Variants in PDE11A observed in about 807,000 individuals in gnomAD.
PDE11A encodes the protein dual 3',5'-cyclic-AMP and -GMP phosphodiesterase 11A.
A neutral mutation model predicts 100.5 loss-of-function variants in PDE11A; 100 were observed. That is an observed-to-expected ratio of 1.00 (90% CI 0.85 to 1.18). The LOEUF (loss-of-function observed/expected upper bound fraction) is 1.18, where lower values mean the gene tolerates loss of function less well. Among genes scored for constraint, PDE11A ranks in the 50% most tolerant of loss-of-function variants. The pLI, the probability that PDE11A is intolerant of heterozygous loss-of-function variation, is 0.00. For missense variants in PDE11A, 1,141 were observed against 1,152.6 expected, an observed-to-expected ratio of 0.99 and a Z score of 0.15; for synonymous variants, 381 against 420.8, an observed-to-expected ratio of 0.91 and a Z score of 1.16.
chr2:177,968,920 A>C (rs979740259), intron 2 of PDE11A, among the ~76,000 whole-genome samples: 15 of 152,242 alleles, frequency 9.9e-5, no homozygotes, highest in African/African-American at 3.4e-4. Flanking sequence ...ATTACTGGGT[A>C]TATGTCCAAA....
chr2:178,034,777 G>A (rs2086589771), intron 1 of PDE11A, among the ~76,000 whole-genome samples: 1 of 152,160 alleles, frequency 6.6e-6, no homozygotes, highest in Non-Finnish European at 1.5e-5. Flanking sequence ...AATGACTACT[G>A]GGAAAATAAT....
chr2:177,875,024 A>C lies in PDE11A; in HGVS notation c.1367+835T>G, dbSNP rs140098705. Among the ~76,000 whole-genome samples, 194 of 152,146 alleles carry C rather than the reference A, an allele frequency of 1.3e-3. 4 individuals carry two copies. The East Asian group carries it at 0.035, about 28-fold the overall frequency. ...AGATCACTTGAGGTCAGGAGTTCGA[A>C]ACCAGCCTGGCCAACATGGTGAAAC... On this transcript the variant is annotated intron_variant, in intron 5 of 19. Transcript: ENST00000286063.
intron 5 of PDE11A, among the ~76,000 whole-genome samples, chr2:177,856,433 A>C (rs1320229607): frequency 6.6e-6 from 1 of 152,080 alleles, no homozygotes; most frequent in Non-Finnish European, 1.5e-5. Flanking sequence ...AAAAACAGTC[A>C]ATTGAAACTG....
chr2:177,816,441 T>C (rs1558952500), intron 9 of PDE11A, among the ~76,000 whole-genome samples: 3 of 138,178 alleles, frequency 2.2e-5, no homozygotes, highest in Admixed American at 2.1e-4. Flanking sequence ...ATCTAGGTCA[T>C]ATATCCTTGT....
upstream of PDE11A, among the ~76,000 whole-genome samples, chr2:178,076,393 T>C (rs1011025750): frequency 6.6e-6 from 1 of 152,230 alleles, no homozygotes; most frequent in Admixed American, 6.5e-5. Flanking sequence ...AAGATAACTT[T>C]TGTTATCCCA....
chr2:177,925,428 G>A (rs373238597), intron 2 of PDE11A, among the ~76,000 whole-genome samples: 88 of 151,946 alleles, frequency 5.8e-4, no homozygotes, highest in African/African-American at 2.1e-3. Flanking sequence ...CATTCTAACT[G>A]GTGTGAGATG....
intron 4 of PDE11A, among the ~76,000 whole-genome samples, chr2:177,890,519 T>C (rs145518646): frequency 9.8e-5 from 15 of 152,344 alleles, no homozygotes; most frequent in African/African-American, 3.6e-4. Flanking sequence ...CTGAATTAAG[T>C]AGCCCTCCCA....
intron 15 of PDE11A, among the ~76,000 whole-genome samples, chr2:177,690,380 G>T (rs770866528): frequency 6.6e-6 from 1 of 152,190 alleles, no homozygotes; most frequent in Non-Finnish European, 1.5e-5. Flanking sequence ...GGGGTTGGTT[G>T]AGCGCAGGCA....
chr2:178,030,807 G>A (rs1254819302), intron 1 of PDE11A, among the ~76,000 whole-genome samples: 1 of 152,168 alleles, frequency 6.6e-6, no homozygotes, highest in African/African-American at 2.4e-5. Context: ...GAGCCCAGGA[G>A]GTTGAGGCTG....
At chr2:177,657,101 T>C (rs998756131) in intron 19 of PDE11A, among the ~76,000 whole-genome samples, 10 of 152,202 alleles carry the variant, frequency 6.6e-5, no homozygotes, top group African/African-American at 2.4e-4. Context: ...ATTTGGAAGA[T>C]AGACTGTAGT....
chr2:177,698,209 G>T (rs750050812), intron 14 of PDE11A, among the ~76,000 whole-genome samples: 1 of 152,148 alleles, frequency 6.6e-6, no homozygotes. Flanking sequence ...ATAAGACATC[G>T]TTCTTGGCAC....
chr2:178,086,570 T>C (rs972175043), intron 2 of PDE11A, among the ~76,000 whole-genome samples: 2 of 152,214 alleles, frequency 1.3e-5, no homozygotes, highest in African/African-American at 2.4e-5. Context: ...AGAGCCATGA[T>C]TTTCACATAA....
chr2:177,830,042 G>C, intron 6 of PDE11A, among the ~76,000 whole-genome samples: 1 of 152,080 alleles, frequency 6.6e-6, no homozygotes, highest in East Asian at 1.9e-4. Flanking sequence ...GTGATGAGAG[G>C]GCCACATTCT....
chr2:178,046,041 A>G (rs143985558), intron 1 of PDE11A, among the ~76,000 whole-genome samples: 74 of 152,336 alleles, frequency 4.9e-4, no homozygotes, highest in Non-Finnish European at 9.7e-4. Context: ...AAACTTGGGA[A>G]AGTTACTAAA....
At chr2:178,016,361 A>C (rs1161838889) in intron 1 of PDE11A, among the ~76,000 whole-genome samples, 2 of 151,996 alleles carry the variant, frequency 1.3e-5, no homozygotes, top group African/African-American at 4.8e-5. Flanking sequence ...CAGAGAGAGG[A>C]GAGTCCAATT....
chr2:177,945,392 C>T (rs1181072013), intron 2 of PDE11A, among the ~76,000 whole-genome samples: 64 of 141,164 alleles, frequency 4.5e-4, no homozygotes, highest in Non-Finnish European at 8.3e-4. Flanking sequence ...TCTTCCCAGC[C>T]GCCATCACAT....
At chr2:177,922,776 C>G in intron 2 of PDE11A, 2 of 985,152 alleles carry the variant, frequency 2.0e-6, no homozygotes, top group Non-Finnish European at 2.4e-6. Context: ...TAATCTATTC[C>G]CAACACACAG....
In PDE11A at chr2:177,900,081, T is replaced by A. The variant is rs144561241; in HGVS notation, c.1162-1883A>T. On this transcript the variant is annotated intron_variant, in intron 3 of 19. Coordinates refer to ENST00000286063, the MANE Select transcript of PDE11A (RefSeq NM_016953.4). ...AATGTTTGTTTGCTCAGGTCAGGTA[T>A]GGATTTGTGAAAAATAAAAAATAAA... Among the ~76,000 whole-genome samples, 3 of 152,128 alleles carry A rather than the reference T, an allele frequency of 2.0e-5. No homozygotes were observed. The South Asian group carries it at 6.2e-4, about 31-fold the overall frequency.
chr2:177,968,917 G>A (rs909405481), intron 2 of PDE11A, among the ~76,000 whole-genome samples: 10 of 151,986 alleles, frequency 6.6e-5, no homozygotes, highest in African/African-American at 2.4e-4. Context: ...CCCATTACTG[G>A]GTATATGTCC....
Sources: gnomAD v4.1 joint callset for allele counts (sites outside exome capture counted in the v4.1 genomes callset) on GRCh38, gnomAD v4.1.1 for gene constraint, MANE v1.5 for transcripts, NCBI Gene and HGNC (gene_info 2026-07-23, HGNC 2026-07-21) for gene names.